Variants in NXPH1 observed in about 807,000 individuals in gnomAD.
NXPH1 encodes neurexophilin 1, also known as neurexophilin-1.
NXPH1 carries 5 observed loss-of-function variants against 23.7 expected under a neutral mutation model. The observed-to-expected ratio is 0.21, with a 90% confidence interval of 0.11 to 0.44. The LOEUF (loss-of-function observed/expected upper bound fraction) is 0.44, where lower values mean the gene tolerates loss of function less well. Among genes scored for constraint, NXPH1 ranks in the 20% least tolerant of loss-of-function variants. The pLI, the probability that NXPH1 is intolerant of heterozygous loss-of-function variation, is 0.99. For missense variants in NXPH1, 324 were observed against 321.6 expected (o/e 1.01, Z -0.06); for synonymous variants, 144 against 122.2 (o/e 1.18, Z -1.18).
chr7:8,663,704 G>T (rs1820717192), intron 2 of NXPH1, among the ~76,000 whole-genome samples: 1 of 152,034 alleles, frequency 6.6e-6, no homozygotes, highest in Admixed American at 6.6e-5. Flanking sequence ...TGACTAATCA[G>T]CCAGGGGATC....
intron 2 of NXPH1, among the ~76,000 whole-genome samples, chr7:8,447,140 C>T (rs1816419669): frequency 6.6e-6 from 1 of 152,154 alleles, no homozygotes; most frequent in African/African-American, 2.4e-5. Flanking sequence ...ATTCTAAAGC[C>T]TGTTTGCAGA....
At chr7:8,641,746 A>G (rs1244442969) in intron 2 of NXPH1, among the ~76,000 whole-genome samples, 2 of 152,108 alleles carry the variant, frequency 1.3e-5, no homozygotes, top group African/African-American at 4.8e-5. Flanking sequence ...CAGGCACACT[A>G]TTTTGATTAT....
At chr7:8,467,524 T>C (rs1816804842) in intron 2 of NXPH1, among the ~76,000 whole-genome samples, 1 of 152,206 alleles carries the variant, frequency 6.6e-6, no homozygotes, top group Non-Finnish European at 1.5e-5. Context: ...ACTCTTTATG[T>C]TGTTAACTTT....
chr7:8,511,260 G>A (rs1330381756), intron 2 of NXPH1, among the ~76,000 whole-genome samples: 1 of 152,106 alleles, frequency 6.6e-6, no homozygotes, highest in African/African-American at 2.4e-5. Flanking sequence ...CAGGCTTTGT[G>A]TTGGTGACTT....
intron 2 of NXPH1, among the ~76,000 whole-genome samples, chr7:8,682,848 A>G (rs914055804): frequency 6.6e-6 from 1 of 152,240 alleles, no homozygotes; most frequent in African/African-American, 2.4e-5. Context: ...AGTCATTAGA[A>G]TGTGATGTTG....
At chr7:8,651,641 C>T (rs1054531239) in intron 2 of NXPH1, among the ~76,000 whole-genome samples, 1 of 152,094 alleles carries the variant, frequency 6.6e-6, no homozygotes, top group African/African-American at 2.4e-5. Context: ...TTCTCTGTAC[C>T]TTTCGGATTT....
At chr7:8,729,911 C>T (rs1022703504) in intron 2 of NXPH1, among the ~76,000 whole-genome samples, 7 of 147,072 alleles carry the variant, frequency 4.8e-5, no homozygotes, top group African/African-American at 1.0e-4. Flanking sequence ...CTTTCTGTCT[C>T]GTTGATCTGT....
intron 2 of NXPH1, among the ~76,000 whole-genome samples, chr7:8,551,928 G>C (rs1584227436): frequency 6.6e-6 from 1 of 151,332 alleles, no homozygotes; most frequent in Non-Finnish European, 1.5e-5. Flanking sequence ...TAGCTTTAAA[G>C]ATGTGCATAT....
intron 2 of NXPH1, among the ~76,000 whole-genome samples, chr7:8,674,594 G>A (rs1412122377): frequency 6.6e-6 from 1 of 152,158 alleles, no homozygotes; most frequent in Non-Finnish European, 1.5e-5. Context: ...CTCTAAAGGA[G>A]TTTGGGGTTC....
intron 2 of NXPH1, among the ~76,000 whole-genome samples, chr7:8,465,676 G>A (rs895119478): frequency 6.6e-6 from 1 of 152,164 alleles, no homozygotes; most frequent in Non-Finnish European, 1.5e-5. Context: ...GCTCTCCCTG[G>A]TGGCACTTAC....
intron 2 of NXPH1, among the ~76,000 whole-genome samples, chr7:8,480,170 G>A (rs1007197458): frequency 1.3e-5 from 2 of 151,962 alleles, no homozygotes; most frequent in African/African-American, 4.8e-5. Flanking sequence ...TATAGGTGGT[G>A]GTTGCAGGAA....
intron 2 of NXPH1, among the ~76,000 whole-genome samples, chr7:8,485,156 G>A (rs1817138332): frequency 6.6e-6 from 1 of 152,108 alleles, no homozygotes; most frequent in South Asian, 2.1e-4. Context: ...CTTTTCCTGT[G>A]CTCTCTTTGT....
chr7:8,730,339 C>T (rs1268063125), intron 2 of NXPH1, among the ~76,000 whole-genome samples: 1 of 148,796 alleles, frequency 6.7e-6, no homozygotes, highest in African/African-American at 2.5e-5. Flanking sequence ...AGTCCATTTA[C>T]ATTTAAAGTT....
At chr7:8,445,611 T>G (rs1428442472) in intron 2 of NXPH1, among the ~76,000 whole-genome samples, 1 of 152,204 alleles carries the variant, frequency 6.6e-6, no homozygotes, top group Non-Finnish European at 1.5e-5. Flanking sequence ...GGCACAAAAA[T>G]TACGACAAAG....
At chr7:8,518,890 T>C (rs932032758) in intron 2 of NXPH1, among the ~76,000 whole-genome samples, 2 of 151,984 alleles carry the variant, frequency 1.3e-5, no homozygotes, top group African/African-American at 4.8e-5. Context: ...ATTCTTTATA[T>C]CTCCTTCCCC....
chr7:8,597,028 T>C (rs1427128611), intron 2 of NXPH1, among the ~76,000 whole-genome samples: 1 of 152,034 alleles, frequency 6.6e-6, no homozygotes, highest in Non-Finnish European at 1.5e-5. Flanking sequence ...GGTAAAGCAC[T>C]GAGGATAAAG....
intron 2 of NXPH1, among the ~76,000 whole-genome samples, chr7:8,696,210 T>C (rs1441638709): frequency 1.3e-5 from 2 of 152,230 alleles, no homozygotes; most frequent in African/African-American, 4.8e-5. Flanking sequence ...CATAGTCTAG[T>C]TTGAAAATCA....
At chr7:8,530,641 G>C (rs1817937428) in intron 2 of NXPH1, among the ~76,000 whole-genome samples, 1 of 152,186 alleles carries the variant, frequency 6.6e-6, no homozygotes, top group Admixed American at 6.5e-5. Context: ...TGCCTGGAGG[G>C]GCATGAGGGA....
chr7:8,466,001 G>C (rs889360622), intron 2 of NXPH1, among the ~76,000 whole-genome samples: 1 of 152,196 alleles, frequency 6.6e-6, no homozygotes, highest in African/African-American at 2.4e-5. Context: ...GGGGAATCTT[G>C]AGGCTATTCC....
Sources: allele counts gnomAD v4.1 joint callset (sites outside exome capture counted in the v4.1 genomes callset), GRCh38; gene constraint gnomAD v4.1.1; transcripts MANE v1.5; gene names NCBI Gene and HGNC (gene_info 2026-07-23, HGNC 2026-07-21).